The following ZNF804B variants were observed in gnomAD, a reference collection of about 807,000 sequenced individuals.
ZNF804B encodes the protein zinc finger protein 804B.
Under a neutral mutation model 101.4 loss-of-function variants are expected in ZNF804B, and 80 were observed. The observed-to-expected ratio is 0.79, with a 90% confidence interval of 0.66 to 0.95. The LOEUF (loss-of-function observed/expected upper bound fraction) is 0.95. Among genes scored for constraint, ZNF804B ranks in the 40% least tolerant of loss-of-function variants. The pLI, the probability that ZNF804B is intolerant of heterozygous loss-of-function variation, is 0.00. For synonymous variants in ZNF804B, 622 were observed against 558.8 expected (o/e 1.11, Z -1.59); for missense variants, 1,673 against 1,561.9 (o/e 1.07, Z -1.20).
chr7:89,311,254 T>C (rs1243331913), intron 2 of ZNF804B, among the ~76,000 whole-genome samples: 2 of 152,190 alleles, frequency 1.3e-5, no homozygotes, highest in Admixed American at 1.3e-4. Context: ...CGAATACTTT[T>C]CAAATATTAA....
intron 1 of ZNF804B, among the ~76,000 whole-genome samples, chr7:89,101,407 G>A (rs1392281276): frequency 6.6e-6 from 1 of 151,906 alleles, no homozygotes; most frequent in Non-Finnish European, 1.5e-5. Flanking sequence ...TTGATATACA[G>A]TGTAGTTTTA....
intron 1 of ZNF804B, among the ~76,000 whole-genome samples, chr7:89,076,372 G>C (rs1246669677): frequency 6.6e-6 from 1 of 151,156 alleles, no homozygotes; most frequent in Non-Finnish European, 1.5e-5. Context: ...AAAAAGGGTA[G>C]TTTCCCTACA....
At chr7:89,180,282 C>T (rs560674792) in intron 1 of ZNF804B, among the ~76,000 whole-genome samples, 1 of 152,164 alleles carries the variant, frequency 6.6e-6, no homozygotes, top group Non-Finnish European at 1.5e-5. Flanking sequence ...GAAATGCTGT[C>T]TGATAGCTAG....
At chr7:89,220,496 C>T (rs1359139330) in intron 2 of ZNF804B, among the ~76,000 whole-genome samples, 1 of 151,766 alleles carries the variant, frequency 6.6e-6, no homozygotes, top group Non-Finnish European at 1.5e-5. Flanking sequence ...ATGGCTATCA[C>T]CCAACTTCAA....
intron 1 of ZNF804B, among the ~76,000 whole-genome samples, chr7:89,021,847 A>C (rs1351057528): frequency 6.6e-6 from 1 of 152,166 alleles, no homozygotes; most frequent in Admixed American, 6.5e-5. Flanking sequence ...TTAAGATTGT[A>C]CCATGTTGCA....
chr7:88,764,437 A>G (rs1789949554), intron 1 of ZNF804B, among the ~76,000 whole-genome samples: 1 of 152,142 alleles, frequency 6.6e-6, no homozygotes. Context: ...AGGGTCGCTG[A>G]ATGTTTTATG....
At chr7:88,855,800 T>A (rs1791547009) in intron 1 of ZNF804B, among the ~76,000 whole-genome samples, 1 of 152,218 alleles carries the variant, frequency 6.6e-6, no homozygotes, top group Admixed American at 6.5e-5. Context: ...AAGGAAGGGA[T>A]CCAGTTTCAG....
chr7:89,333,962 C>G lies in ZNF804B; in HGVS notation c.980C>G (p.Ser327Cys), dbSNP rs978156898. ...SIGIHASFSK[S>C]NIHLSDVDFT... ...GGCATTCATGCTTCATTCTCTAAAT[C>G]TAACATTCATCTTTCAGATGTAGAT... The change falls in exon 4 of 4, where the codon TCT becomes TGT. Residue 327 changes from serine to cysteine, a missense_variant. Ser to Cys is a moderately radical substitution (Grantham distance 112, BLOSUM62 -1). Transcript: ENST00000333190. The G allele has an allele frequency of 1.9e-6, 3 of 1,613,402 alleles. No individual in the cohort carries two copies. In the African/African-American group the frequency reaches 4.0e-5, roughly 22 times the overall value.
chr7:89,296,438 T>C (rs965803287), intron 2 of ZNF804B, among the ~76,000 whole-genome samples: 3 of 151,988 alleles, frequency 2.0e-5, no homozygotes, highest in African/African-American at 7.2e-5. Flanking sequence ...TTAAGTTATG[T>C]CTTGTTAGAG....
intron 1 of ZNF804B, among the ~76,000 whole-genome samples, chr7:88,852,034 G>A (rs1420823762): frequency 6.6e-6 from 1 of 152,028 alleles, no homozygotes; most frequent in Non-Finnish European, 1.5e-5. Flanking sequence ...AAGAGGGCAG[G>A]GAGTTTTGTC....
At position 89,056,262 on chromosome 7, in the gene ZNF804B, A is replaced by T. The variant is rs533848495; in HGVS notation, c.109-161893A>T. The stretch of plus-strand genomic sequence containing the variant: ...GTCCTGTAGCATAGGATAAATGTAG[A>T]GGTGGGCAAAATTGGGCCCAGTAAA... On this transcript the variant is annotated intron_variant, in intron 1 of 3. Transcript: ENST00000333190. Among the ~76,000 whole-genome samples, 3 of 152,206 alleles carry T rather than the reference A, an allele frequency of 2.0e-5. No individual in the cohort carries two copies. The East Asian group carries it at 5.8e-4, about 30-fold the overall frequency.
At chr7:89,272,966 T>C (rs899674587) in intron 2 of ZNF804B, among the ~76,000 whole-genome samples, 8 of 152,092 alleles carry the variant, frequency 5.3e-5, no homozygotes, top group Admixed American at 2.6e-4. Flanking sequence ...AAAAATACTA[T>C]TACATTGATT....
intron 1 of ZNF804B, among the ~76,000 whole-genome samples, chr7:89,167,444 T>TATAAATAAATAAATAAATAAATAA (rs3059362): frequency 1.2e-3 from 132 of 112,544 alleles, no homozygotes; most frequent in Middle Eastern, 0.012. Context: ...GACAGTGTCT[T>TATAAATAAATAAATAAATAAATAA]ATAAATAAAT....
chr7:88,975,354 T>C (rs1562848766), intron 1 of ZNF804B, among the ~76,000 whole-genome samples: 1 of 151,386 alleles, frequency 6.6e-6, no homozygotes, highest in African/African-American at 2.4e-5. Context: ...GGAACCTTCA[T>C]TCCATTCTTC....
chr7:89,258,865 T>C (rs1021419471), intron 2 of ZNF804B, among the ~76,000 whole-genome samples: 2 of 152,082 alleles, frequency 1.3e-5, no homozygotes, highest in Non-Finnish European at 2.9e-5. Context: ...CATCTTCACA[T>C]TGAGTAGGCT....
chr7:88,934,008 A>G (rs780194810), intron 1 of ZNF804B, among the ~76,000 whole-genome samples: 11 of 151,932 alleles, frequency 7.2e-5, no homozygotes, highest in Non-Finnish European at 1.5e-4. Flanking sequence ...ACATTACCCA[A>G]CTTCAAACTA....
chr7:89,165,558 G>A (rs1791129756), intron 1 of ZNF804B, among the ~76,000 whole-genome samples: 1 of 152,040 alleles, frequency 6.6e-6, no homozygotes, highest in Admixed American at 6.6e-5. Context: ...TAAGATAGGA[G>A]TTTTAGCATG....
At chr7:88,994,996 T>C (rs1223369267) in intron 1 of ZNF804B, among the ~76,000 whole-genome samples, 1 of 152,066 alleles carries the variant, frequency 6.6e-6, no homozygotes, top group Non-Finnish European at 1.5e-5. Flanking sequence ...GATTGTTTGA[T>C]TTTGTTGTTA....
chr7:88,862,000 A>G (rs1791656206), intron 1 of ZNF804B, among the ~76,000 whole-genome samples: 2 of 152,186 alleles, frequency 1.3e-5, no homozygotes, highest in Admixed American at 1.3e-4. Context: ...CAATCACTTC[A>G]ACATCTCCCA....
Sources: allele counts gnomAD v4.1 joint callset (sites outside exome capture counted in the v4.1 genomes callset), GRCh38; gene constraint gnomAD v4.1.1; transcripts MANE v1.5; gene names NCBI Gene and HGNC (gene_info 2026-07-23, HGNC 2026-07-21).